Variants in SRPK2 observed in about 807,000 individuals in gnomAD.
SRPK2 encodes the protein SRSF protein kinase 2.
Under a neutral mutation model 90.8 loss-of-function variants are expected in SRPK2, and 21 were observed. The observed-to-expected ratio is 0.23, with a 90% confidence interval of 0.16 to 0.33. SRPK2 has a LOEUF of 0.33. SRPK2 is among the 10% of genes least tolerant of loss of function. The probability of loss-of-function intolerance (pLI) is 1.00; values close to 1 mark genes in which losing one functional copy is unlikely to be tolerated. For synonymous variants in SRPK2, 288 were observed against 311.1 expected (o/e 0.93, Z 0.78); for missense variants, 620 against 869.0 (o/e 0.71, Z 3.60).
At chr7:105,168,582 G>A (rs557541252) in intron 4 of SRPK2, among the ~76,000 whole-genome samples, 1 of 151,830 alleles carries the variant, frequency 6.6e-6, no homozygotes. Context: ...TAGTAGTATG[G>A]GTCAAGACAA....
intron 6 of SRPK2, among the ~76,000 whole-genome samples, chr7:105,162,045 G>A (rs1234211759): frequency 6.6e-6 from 1 of 152,100 alleles, no homozygotes; most frequent in Non-Finnish European, 1.5e-5. Context: ...ACCATGCCCA[G>A]CTTAATTTTT....
At chr7:105,174,579 G>C (rs1791594288) in intron 3 of SRPK2, among the ~76,000 whole-genome samples, 1 of 151,864 alleles carries the variant, frequency 6.6e-6, no homozygotes, top group Admixed American at 6.6e-5. Context: ...AAAAGGAAGG[G>C]GTGGAAAAAA....
intron 2 of SRPK2, among the ~76,000 whole-genome samples, chr7:105,287,894 G>C (rs1808383362): frequency 6.6e-6 from 1 of 152,010 alleles, no homozygotes; most frequent in Admixed American, 6.6e-5. Context: ...AAATAATCTT[G>C]TCTTACCAAA....
rs1554508535 is a variant in SRPK2, at chr7:105,319,512, G to GT, written c.71+69135_71+69136insA. On this transcript the variant is annotated intron_variant, in intron 2 of 15. Transcript: ENST00000393651. ...ATTTAATGCACTTGCGGCGGGGGGG[G>GT]GGGGGGCGGTGGATGGCAGGGGGAG... Among the ~76,000 whole-genome samples, 3 of 115,368 alleles carry GT rather than the reference G, an allele frequency of 2.6e-5. 1 individual carries two copies. The Admixed American group carries it at 2.7e-4, about 10-fold the overall frequency. The allele number at this position is 115,368 out of a possible 152,430, so 75.7% of individuals were successfully genotyped here.
At chr7:105,327,451 T>A (rs910064263) in intron 2 of SRPK2, among the ~76,000 whole-genome samples, 1 of 152,220 alleles carries the variant, frequency 6.6e-6, no homozygotes, top group African/African-American at 2.4e-5. Flanking sequence ...AGAAGTTTGC[T>A]AACCACTGCC....
At chr7:105,316,404 A>G (rs1477106544) in intron 2 of SRPK2, among the ~76,000 whole-genome samples, 1 of 152,176 alleles carries the variant, frequency 6.6e-6, no homozygotes, top group Non-Finnish European at 1.5e-5. Flanking sequence ...GCCGCTTATA[A>G]AGCCTGGTAT....
chr7:105,141,702 T>C (rs1803803373), intron 11 of SRPK2, among the ~76,000 whole-genome samples: 1 of 152,206 alleles, frequency 6.6e-6, no homozygotes, highest in Non-Finnish European at 1.5e-5. Flanking sequence ...TAAACTAAAC[T>C]ACACATTCTA....
At chr7:105,381,695 C>G (rs1335268762) in intron 2 of SRPK2, among the ~76,000 whole-genome samples, 1 of 151,898 alleles carries the variant, frequency 6.6e-6, no homozygotes, top group Non-Finnish European at 1.5e-5. Flanking sequence ...AGGTAGTAAG[C>G]AAAAATGTTT....
At chr7:105,180,178 C>T (rs1792581595) in intron 3 of SRPK2, among the ~76,000 whole-genome samples, 1 of 152,104 alleles carries the variant, frequency 6.6e-6, no homozygotes. Flanking sequence ...TCAAAGTATA[C>T]TAAAAGGTGA....
chr7:105,125,970 A>T (rs1801141843), intron 15 of SRPK2: 1 of 704,406 alleles, frequency 1.4e-6, no homozygotes, highest in Non-Finnish European at 2.3e-6. Flanking sequence ...AGACAGAAAC[A>T]GAGCGCAACT....
At chr7:105,248,155 C>T (rs1052404211) in intron 2 of SRPK2, among the ~76,000 whole-genome samples, 6 of 152,062 alleles carry the variant, frequency 3.9e-5, no homozygotes, top group African/African-American at 1.4e-4. Flanking sequence ...GCCCAGTCGG[C>T]CTTAACAATC....
intron 14 of SRPK2, among the ~76,000 whole-genome samples, 194 bp from the exon 15 acceptor site, chr7:105,126,534 G>A (rs1801242256): frequency 1.3e-5 from 2 of 152,200 alleles, no homozygotes; most frequent in African/African-American, 2.4e-5. Flanking sequence ...CAGTGACTGA[G>A]GCCAGCTCAC....
intron 2 of SRPK2, among the ~76,000 whole-genome samples, chr7:105,314,307 G>A (rs1812065981): frequency 1.3e-5 from 2 of 152,022 alleles, no homozygotes; most frequent in African/African-American, 4.8e-5. Context: ...ACTCCAGCCT[G>A]GACGACAGAG....
chr7:105,393,002 G>A (rs76482274), upstream of SRPK2, among the ~76,000 whole-genome samples: 1 of 141,886 alleles, frequency 7.0e-6, no homozygotes, highest in African/African-American at 2.6e-5. Context: ...TTTTTTTTTG[G>A]TGGAGAGGGG....
At chr7:105,247,129 G>A (rs953575532) in intron 2 of SRPK2, among the ~76,000 whole-genome samples, 1 of 152,076 alleles carries the variant, frequency 6.6e-6, no homozygotes, top group Non-Finnish European at 1.5e-5. Context: ...GCTTTTTAAC[G>A]ACTGCACAAG....
chr7:105,202,840 T>C (rs1232851877), intron 3 of SRPK2, among the ~76,000 whole-genome samples: 1 of 152,218 alleles, frequency 6.6e-6, no homozygotes, highest in Non-Finnish European at 1.5e-5. Flanking sequence ...TGTAATTCAA[T>C]GCTACACAAA....
chr7:105,342,039 G>A (rs948026547), intron 2 of SRPK2, among the ~76,000 whole-genome samples: 3 of 152,052 alleles, frequency 2.0e-5, no homozygotes, highest in Non-Finnish European at 2.9e-5. Context: ...CAAGGTGGGC[G>A]GATCAGCTGA....
chr7:105,356,759 G>A (rs1308987111), intron 2 of SRPK2, among the ~76,000 whole-genome samples: 1 of 152,098 alleles, frequency 6.6e-6, no homozygotes, highest in Non-Finnish European at 1.5e-5. Flanking sequence ...AGAAGGAACA[G>A]TTATTTCCAA....
intron 7 of SRPK2, among the ~76,000 whole-genome samples, chr7:105,146,869 T>C (rs534576849): frequency 6.6e-6 from 1 of 152,338 alleles, no homozygotes; most frequent in East Asian, 1.9e-4. Context: ...TCAGAGATTA[T>C]TTATGCTCGT....
Sources: gnomAD v4.1 joint callset for allele counts (sites outside exome capture counted in the v4.1 genomes callset) on GRCh38, gnomAD v4.1.1 for gene constraint, MANE v1.5 for transcripts, NCBI Gene and HGNC (gene_info 2026-07-23, HGNC 2026-07-21) for gene names.